HTR3A: variants seen among roughly 807,000 people sequenced by gnomAD.
The protein encoded by HTR3A is 5-hydroxytryptamine receptor 3A.
HTR3A carries 45 observed loss-of-function variants against 54.8 expected under a neutral mutation model. That is an observed-to-expected ratio of 0.82 (90% CI 0.65 to 1.05). The LOEUF (loss-of-function observed/expected upper bound fraction) is 1.05. HTR3A is among the 50% of genes least tolerant of loss of function. The probability of loss-of-function intolerance (pLI) is 0.00; values close to 1 mark genes in which losing one functional copy is unlikely to be tolerated. For missense variants in HTR3A, 657 were observed against 614.0 expected (o/e 1.07, Z -0.74); for synonymous variants, 297 against 256.0 (o/e 1.16, Z -1.53).
At chr11:113,983,358 T>G in intron 5 of HTR3A, 69 bp downstream of exon 5, 1 of 1,568,574 alleles carries the variant, frequency 6.4e-7, no homozygotes, top group Non-Finnish European at 8.7e-7. Context: ...GAGCGAGGAG[T>G]GCTCCCCAGG....
At chr11:113,981,874 CTTGAACCTGGGAGATGGAGG>C in intron 4 of HTR3A, among the ~76,000 whole-genome samples, 1 of 151,734 alleles carries the variant, frequency 6.6e-6, no homozygotes, top group Non-Finnish European at 1.5e-5. Flanking sequence ...AGGAGAATTG[CTTGAACCTGGGAGATGGAGG>C]TTGTGGTGAG....
chr11:113,981,133 G>GCAGGCGAC, intron 3 of HTR3A, 70 bp from the exon 4 acceptor site: 1 of 949,318 alleles, frequency 1.1e-6, no homozygotes, highest in Non-Finnish European at 1.7e-6. Context: ...GGTGAAGTCT[G>GCAGGCGAC]CCTGAGTTGC....
chr11:113,980,111 A>G (rs1950404209), intron 3 of HTR3A, among the ~76,000 whole-genome samples: 2 of 152,192 alleles, frequency 1.3e-5, no homozygotes, highest in Admixed American at 6.5e-5. Context: ...GGGATCCCTT[A>G]CTACAGTGTC....
In HTR3A at chr11:113,988,689, G is replaced by A. The variant is rs569199688; in HGVS notation, c.1139-776G>A. ...TGAGGAAAGAGAATCGCTTGAACTC[G>A]GGAGGCAGAGGTTGCAGTGAGCTGA... On this transcript the variant is annotated intron_variant, in intron 8 of 8. Transcript: ENST00000504030. Among the ~76,000 whole-genome samples the A allele has an allele frequency of 3.3e-5, 5 of 152,154 alleles. No homozygotes were observed. The Middle Eastern group carries it at 0.017, about 518-fold the overall frequency.
In HTR3A at chr11:113,989,450, C is replaced by T; in HGVS notation, c.1139-15C>T. The T allele has an allele frequency of 6.2e-7, 1 of 1,613,794 alleles. No homozygotes were observed. The highest frequency in any genetic ancestry group is 8.5e-7 in the Non-Finnish European group (1 of 1,179,998). On this transcript the variant is annotated splice_polypyrimidine_tract_variant and intron_variant, in intron 8 of 8. Transcript: ENST00000504030. The surrounding 1 kb of genome is among the most constrained non-coding windows in gnomAD (Gnocchi z 4.4). ...GGGGTCTCCCTCTCTTGCCAATGCC[C>T]TGCCCTTCTTCCAGCCATGGGAAAC...
At chr11:113,986,787 C>G (rs1408203145) in intron 7 of HTR3A, 38 bp from the exon 8 acceptor site, 1 of 1,613,854 alleles carries the variant, frequency 6.2e-7, no homozygotes, top group Non-Finnish European at 8.5e-7. Flanking sequence ...CCTCCCACCT[C>G]CTGCATGTGT....
At chr11:113,978,105 G>C (rs968116539) in intron 2 of HTR3A, among the ~76,000 whole-genome samples, 183 bp downstream of exon 2, 3 of 152,128 alleles carry the variant, frequency 2.0e-5, no homozygotes, top group Non-Finnish European at 4.4e-5. Context: ...CAGAAACCTG[G>C]GGTCACCTTG....
At chr11:113,977,702 A>T in intron 1 of HTR3A, 69 bp from the exon 2 acceptor site, 1 of 1,576,964 alleles carries the variant, frequency 6.3e-7, no homozygotes, top group Non-Finnish European at 8.6e-7. Context: ...ACAGCTTACA[A>T]ACCAGGACAA....
intron 4 of HTR3A, among the ~76,000 whole-genome samples, chr11:113,981,642 A>T (rs1173665986): frequency 6.6e-6 from 1 of 152,106 alleles, no homozygotes; most frequent in Non-Finnish European, 1.5e-5. Context: ...TATAAAGGAG[A>T]CAGTAAATGT....
At chr11:113,983,782 C>T (rs779959794) in intron 5 of HTR3A, among the ~76,000 whole-genome samples, 2 of 152,146 alleles carry the variant, frequency 1.3e-5, no homozygotes, top group Non-Finnish European at 2.9e-5. Context: ...CGTCTCCTGC[C>T]TAGGTTTCTG....
chr11:113,989,295 G>A lies in HTR3A; in HGVS notation c.1139-170G>A, dbSNP rs1450998212. Among the ~76,000 whole-genome samples the A allele has an allele frequency of 4.6e-5, 7 of 151,772 alleles. No individual in the cohort carries two copies. The highest frequency in any genetic ancestry group is 1.0e-4 in the Non-Finnish European group (7 of 67,960). On this transcript the variant is annotated intron_variant, in intron 8 of 8. Transcript: ENST00000504030. The surrounding 1 kb of genome is among the most constrained non-coding windows in gnomAD (Gnocchi z 4.4). ...GGAGAATTGCTTGAACTCGGGAGGCGGAGGTTGCAGTGAGCTTAGATCACA... is the reference window on the plus strand; with the variant it reads ...GGAGAATTGCTTGAACTCGGGAGGCAGAGGTTGCAGTGAGCTTAGATCACA...
rs1468076721 is a variant in HTR3A, at chr11:113,986,035, T to C, written c.565T>C (p.Leu189=). 1 of 1,614,136 alleles carries C rather than the reference T, an allele frequency of 6.2e-7. No homozygotes were observed. The change falls in exon 6 of 9, where the codon TTG becomes CTG. Residue 189 remains leucine, a synonymous_variant. Transcript: ENST00000504030. ...CTCAGTCCAGGACATCAACATCTCT[T>C]TGTGGCGCTTGCCAGAAAAGGTGAA... is the stretch of plus-strand genomic sequence containing the variant. The part of the protein sequence containing the change: ...LHTIQDINIS[L]WRLPEKVKSD...
Position 113,989,512 on chromosome 11 carries a change from A to G in HTR3A, c.1186A>G (p.Lys396Glu). 5 of 1,614,084 alleles carry G rather than the reference A, an allele frequency of 3.1e-6. No homozygotes were observed. Among genetic ancestry groups the G allele is most frequent in the Non-Finnish European group, 4.2e-6 (5 of 1,180,006 alleles). Residue 396 changes from lysine to glutamate, a missense_variant, in exon 9 of 9, where the codon AAG becomes GAG. Lys to Glu is a moderately conservative substitution (Grantham distance 56, BLOSUM62 1). Transcript: ENST00000504030. This position sits in a 1 kb window ranked among gnomAD's most constrained non-coding sequence, Gnocchi z 4.4. ...SHMGGPQDFEKSPRDRCSPPP... is the reference protein window; with the variant it reads ...SHMGGPQDFEESPRDRCSPPP... ...CATGGGAGGACCCCAGGACTTCGAG[A>G]AGAGCCCGAGGGACAGATGTAGCCC...
chr11:113,987,773 A>G (rs975726012), intron 8 of HTR3A, among the ~76,000 whole-genome samples: 2 of 152,192 alleles, frequency 1.3e-5, no homozygotes, highest in Non-Finnish European at 2.9e-5. Context: ...CCCAAAGACC[A>G]TGTTCCTTAG....
chr11:113,985,357 C>T (rs1950476766), intron 5 of HTR3A, among the ~76,000 whole-genome samples: 1 of 152,130 alleles, frequency 6.6e-6, no homozygotes, highest in Non-Finnish European at 1.5e-5. Flanking sequence ...TAAAATAGCT[C>T]ATGATTTTGG....
In HTR3A at chr11:113,986,011, T is replaced by G. The variant is rs1473129452; in HGVS notation, c.545-4T>G. The G allele has an allele frequency of 6.2e-7, 1 of 1,614,098 alleles. No individual in the cohort carries two copies. Among genetic ancestry groups the G allele is most frequent in the Non-Finnish European group, 8.5e-7 (1 of 1,180,016 alleles). Reference sequence around the variant, plus strand: ...CAAAGCTGGCTTGCTTTATTCTCTCTCAGTCCAGGACATCAACATCTCTTT... The same window carrying G: ...CAAAGCTGGCTTGCTTTATTCTCTCGCAGTCCAGGACATCAACATCTCTTT... On this transcript the variant is annotated splice_region_variant and splice_polypyrimidine_tract_variant and intron_variant, in intron 5 of 8. Transcript: ENST00000504030.
In HTR3A at chr11:113,986,906, A is replaced by C. The variant is rs1950499941; in HGVS notation, c.998A>C (p.Gln333Pro). The C allele has an allele frequency of 6.2e-7, 1 of 1,614,060 alleles. No individual in the cohort carries two copies. ...TIFIVRLVHKQDLQQPVPAWL... is the reference protein window; with the variant it reads ...TIFIVRLVHKPDLQQPVPAWL... The stretch of plus-strand genomic sequence containing the variant: ...TTCATTGTGCGGCTGGTGCACAAGC[A>C]AGACCTGCAGCAGCCCGTGCCTGCT... Residue 333 changes from glutamine to proline, a missense_variant, in exon 8 of 9, where the codon CAA becomes CCA. By Grantham distance (76) the Gln-to-Pro change is moderately conservative. Transcript: ENST00000504030.
rs1471929019 is a variant in HTR3A, at chr11:113,977,684, C to T, written c.68-87C>T. 2.7e-5 allele frequency: 42 copies of T among 1,546,800 alleles called. No homozygotes were observed. The South Asian group carries it at 3.8e-4, about 14-fold the overall frequency. On this transcript the variant is annotated intron_variant, in intron 1 of 8. Coordinates refer to ENST00000504030, the MANE Select transcript of HTR3A (RefSeq NM_000869.6). The stretch of plus-strand genomic sequence containing the variant: ...TGAGGTGGGGATGGTGGGGATACGT[C>T]TCTTTTAACAGCTTACAAACCAGGA...
In HTR3A at chr11:113,975,174, G is replaced by T. The variant is rs780132437; in HGVS notation, c.-152G>T. ...GCAGCTCCCCAACCTTGGTGGCCCA[G>T]GGAGTGTGAGGCTGCAGCCTCAGAA... On this transcript the variant is annotated 5_prime_UTR_variant, in exon 1 of 9. In the 5' UTR this introduces an upstream ATG that the reference lacks. Coordinates refer to ENST00000504030, the MANE Select transcript of HTR3A (RefSeq NM_000869.6). 6 of 740,106 alleles carry T rather than the reference G, an allele frequency of 8.1e-6. No individual in the cohort carries two copies. The highest frequency in any genetic ancestry group is 2.0e-5 in the Admixed American group (1 of 50,054). The allele number at this position is 740,106 out of a possible 1,614,324, so 45.8% of individuals were successfully genotyped here.
Sources: gnomAD v4.1 joint callset for allele counts (sites outside exome capture counted in the v4.1 genomes callset) on GRCh38, gnomAD v4.1.1 for gene constraint, Gnocchi (gnomAD v3.1) non-coding constraint, MANE v1.5 for transcripts, NCBI Gene and HGNC (gene_info 2026-07-23, HGNC 2026-07-21) for gene names.